MAST4: variants seen among roughly 807,000 people sequenced by gnomAD.
MAST4 encodes the protein microtubule associated serine/threonine kinase family member 4.
In MAST4, 89 loss-of-function variants were observed where a neutral mutation model predicts 162.7. The ratio of observed to expected loss-of-function variants is 0.55; its 90% confidence interval spans 0.46 to 0.65. MAST4 has a LOEUF of 0.65. Ranked by LOEUF, MAST4 falls within the 30% of genes least tolerant of loss-of-function variation. The pLI, the probability that MAST4 is intolerant of heterozygous loss-of-function variation, is 0.00. For missense variants in MAST4, 3,153 were observed against 3,374.0 expected (o/e 0.93, Z 1.62); for synonymous variants, 1,479 against 1,361.1 (o/e 1.09, Z -1.91).
chr5:66,623,783 A>T (rs1344510803), intron 1 of MAST4, among the ~76,000 whole-genome samples: 1 of 152,212 alleles, frequency 6.6e-6, no homozygotes, highest in Admixed American at 6.5e-5. Flanking sequence ...ACAGACAGGA[A>T]AAAGAAAAGG....
intron 4 of MAST4, among the ~76,000 whole-genome samples, chr5:66,919,898 CTCCTTCCTTCCT>C (rs770358340): frequency 0.11 from 12,564 of 111,684 alleles, 829 homozygotes; most frequent in East Asian, 0.18. Context: ...ATTTTTCTCT[CTCCTTCCTTCCT>C]TCCTTCCTTC....
At chr5:66,600,158 G>A (rs576296611) in intron 1 of MAST4, among the ~76,000 whole-genome samples, 1 of 152,206 alleles carries the variant, frequency 6.6e-6, no homozygotes, top group Admixed American at 6.5e-5. Context: ...TAAGCTTTTG[G>A]TGTCTTAAAA....
chr5:67,086,730 A>G (rs1763283259), intron 5 of MAST4, among the ~76,000 whole-genome samples: 1 of 152,230 alleles, frequency 6.6e-6, no homozygotes, highest in Non-Finnish European at 1.5e-5. Context: ...GGAGTCTCTC[A>G]GGTATTGCTT....
At chr5:66,884,432 T>C (rs770255126) in intron 3 of MAST4, among the ~76,000 whole-genome samples, 1 of 152,206 alleles carries the variant, frequency 6.6e-6, no homozygotes, top group Non-Finnish European at 1.5e-5. Flanking sequence ...ACTCTGTAGC[T>C]CTATATTTTG....
At chr5:66,834,961 C>G (rs1757860280) in intron 3 of MAST4, among the ~76,000 whole-genome samples, 1 of 152,050 alleles carries the variant, frequency 6.6e-6, no homozygotes, top group Non-Finnish European at 1.5e-5. Context: ...GAGGAATAGC[C>G]CAGGAGACCT....
chr5:66,620,667 T>C (rs1345482074), intron 1 of MAST4, among the ~76,000 whole-genome samples: 2 of 152,234 alleles, frequency 1.3e-5, no homozygotes, highest in Non-Finnish European at 1.5e-5. Context: ...TTGTAGATTT[T>C]ATGAGAAAAT....
intron 3 of MAST4, among the ~76,000 whole-genome samples, chr5:66,791,420 A>G (rs1289073138): frequency 6.6e-6 from 1 of 152,246 alleles, no homozygotes; most frequent in Non-Finnish European, 1.5e-5. Context: ...CACCTGACCT[A>G]AGATATTTGG....
intron 5 of MAST4, among the ~76,000 whole-genome samples, chr5:67,088,945 CT>C (rs1211423983): frequency 6.6e-6 from 1 of 152,156 alleles, no homozygotes; most frequent in African/African-American, 2.4e-5. Flanking sequence ...TAAACTTATC[CT>C]CCTTAATGTG....
intron 4 of MAST4, among the ~76,000 whole-genome samples, chr5:66,906,432 C>T (rs1763360424): frequency 6.6e-6 from 1 of 152,170 alleles, no homozygotes; most frequent in Non-Finnish European, 1.5e-5. Flanking sequence ...TGGTTGGAGT[C>T]TATTAGGGCT....
chr5:66,809,322 C>G (rs1053915480), intron 3 of MAST4, among the ~76,000 whole-genome samples: 1 of 152,202 alleles, frequency 6.6e-6, no homozygotes, highest in Non-Finnish European at 1.5e-5. Context: ...TTCTAATCAA[C>G]TAGAGGAGCC....
intron 1 of MAST4, among the ~76,000 whole-genome samples, chr5:66,708,518 A>T (rs1486650452): frequency 6.6e-6 from 1 of 152,202 alleles, no homozygotes; most frequent in Non-Finnish European, 1.5e-5. Flanking sequence ...TTCTTTAAAA[A>T]GGAAAGTAGT....
chr5:66,737,099 T>G (rs896001370), intron 1 of MAST4, among the ~76,000 whole-genome samples: 1 of 152,226 alleles, frequency 6.6e-6, no homozygotes, highest in Non-Finnish European at 1.5e-5. Flanking sequence ...AAAAAAAGTT[T>G]TATCCCAGTT....
intron 18 of MAST4, 58 bp from the exon 19 acceptor site, chr5:67,136,505 C>T: frequency 7.6e-7 from 1 of 1,309,806 alleles, no homozygotes; most frequent in South Asian, 1.3e-5. Context: ...GTCCATGTTG[C>T]TGGGACCTGG....
chr5:66,788,620 C>T (rs374846345), intron 2 of MAST4, 50 bp from the exon 3 acceptor site: 6 of 525,052 alleles, frequency 1.1e-5, no homozygotes, highest in Non-Finnish European at 2.1e-5. Flanking sequence ...TGCAATAAGA[C>T]TACTACCGGC....
intron 14 of MAST4, among the ~76,000 whole-genome samples, chr5:67,122,977 C>A (rs1767762830): frequency 6.6e-6 from 1 of 152,148 alleles, no homozygotes; most frequent in South Asian, 2.1e-4. Context: ...CAGATTTAAT[C>A]TCTCATTATA....
At chr5:66,865,535 TA>T (rs1401212378) in intron 3 of MAST4, among the ~76,000 whole-genome samples, 2 of 152,206 alleles carry the variant, frequency 1.3e-5, no homozygotes, top group Non-Finnish European at 2.9e-5. Context: ...TAAGTTTTTT[TA>T]AAAAGTCATC....
At chr5:67,027,704 G>T (rs1326700030) in intron 4 of MAST4, among the ~76,000 whole-genome samples, 1 of 152,192 alleles carries the variant, frequency 6.6e-6, no homozygotes, top group Non-Finnish European at 1.5e-5. Context: ...AGAGTTGGAT[G>T]AAGAAGGAAT....
chr5:66,973,908 C>A (rs1311036684), intron 4 of MAST4, among the ~76,000 whole-genome samples: 1 of 152,144 alleles, frequency 6.6e-6, no homozygotes, highest in Non-Finnish European at 1.5e-5. Context: ...TCCTAAAATT[C>A]ATCAGTGGGA....
chr5:66,762,243 T>C (rs1043795551), intron 2 of MAST4, among the ~76,000 whole-genome samples: 5 of 150,642 alleles, frequency 3.3e-5, no homozygotes, highest in Admixed American at 1.3e-4. Context: ...AAATGTTTAA[T>C]AGTCCTTAGA....
Sources: allele counts gnomAD v4.1 joint callset (sites outside exome capture counted in the v4.1 genomes callset), GRCh38; gene constraint gnomAD v4.1.1; transcripts MANE v1.5; gene names NCBI Gene and HGNC (gene_info 2026-07-23, HGNC 2026-07-21).